CAND1: variants seen among roughly 807,000 people sequenced by gnomAD.
The protein encoded by CAND1 is cullin associated and neddylation dissociated 1.
Under a neutral mutation model 108.5 loss-of-function variants are expected in CAND1, and 7 were observed. The observed-to-expected ratio is 0.06, with a 90% CI of 0.04 to 0.12. The LOEUF (loss-of-function observed/expected upper bound fraction) is 0.12, where lower values mean the gene tolerates loss of function less well. Among genes scored for constraint, CAND1 ranks in the 10% least tolerant of loss-of-function variants. The pLI is 1.00. For synonymous variants in CAND1, 534 were observed against 512.0 expected (o/e 1.04, Z -0.58); for missense variants, 941 against 1,448.7 (o/e 0.65, Z 5.69).
rs140118518 is a variant in CAND1 at position 67,305,177 on chromosome 12, A to C, written c.1509A>C (p.Val503=). ...LKIDALSCLY[V]ILCNHSPQVF... The stretch of plus-strand genomic sequence containing the variant: ...TCGATGCTTTGTCATGTCTATACGT[A>C]ATCCTCTGTAACCATTCTCCTCAAG... The change falls in exon 10 of 15, where the codon GTA becomes GTC. Residue 503 remains valine (V), a synonymous_variant. Transcript: ENST00000545606. This position sits in a 1 kb window ranked among gnomAD's most constrained non-coding sequence, Gnocchi z 4.4. The C allele has an allele frequency of 4.7e-4, 751 of 1,614,088 alleles. 5 individuals carry two copies. The African/African-American group carries it at 9.2e-3, about 20-fold the overall frequency.
chr12:67,312,930 A>G lies in CAND1; in HGVS notation c.*100A>G, dbSNP rs759334365. 16 of 746,238 alleles carry G rather than the reference A, an allele frequency of 2.1e-5. No individual in the cohort carries two copies. The highest frequency in any genetic ancestry group is 3.1e-5 in the Non-Finnish European group (15 of 478,382). 46.2% of individuals were successfully genotyped at this position (746,238 alleles called of 1,614,324 possible). ...GAAAGAGAAGTGTCTAAAAGCTTCAAAATGTTCCACTTTTTTTTCCTTCAT... is the reference window on the plus strand; with the variant it reads ...GAAAGAGAAGTGTCTAAAAGCTTCAGAATGTTCCACTTTTTTTTCCTTCAT... On this transcript the variant is annotated 3_prime_UTR_variant, in exon 15 of 15. Transcript: ENST00000545606.
At chr12:67,286,375 G>A (rs796919693) in intron 2 of CAND1, among the ~76,000 whole-genome samples, 12 of 152,160 alleles carry the variant, frequency 7.9e-5, no homozygotes, top group African/African-American at 2.9e-4. Context: ...TTATGAAAAC[G>A]CCAAATTGTT....
At chr12:67,304,516 C>A in intron 8 of CAND1, 89 bp from the exon 9 acceptor site, 1 of 1,326,386 alleles carries the variant, frequency 7.5e-7, no homozygotes, top group Non-Finnish European at 1.0e-6. Flanking sequence ...ATAAACTCTT[C>A]CCTTTATCCT....
chr12:67,282,212 G>A (rs1183592191), intron 2 of CAND1, 159 bp downstream of exon 2: 2 of 645,932 alleles, frequency 3.1e-6, no homozygotes, highest in South Asian at 1.9e-5. Flanking sequence ...TTTGTATATG[G>A]TATATATAGT....
chr12:67,278,543 G>C (rs2044591027), intron 1 of CAND1, among the ~76,000 whole-genome samples: 2 of 152,006 alleles, frequency 1.3e-5, no homozygotes, highest in Non-Finnish European at 2.9e-5. Context: ...GTTTTGGGAT[G>C]AATCTCACTC....
intron 1 of CAND1, among the ~76,000 whole-genome samples, chr12:67,280,124 G>T (rs800167): frequency 2.0e-5 from 3 of 151,698 alleles, no homozygotes; most frequent in Admixed American, 2.0e-4. Flanking sequence ...TTAAAAGTAC[G>T]TGCTTAACTG....
At chr12:67,269,944 G>A (rs1214651288) in intron 1 of CAND1, 159 bp downstream of exon 1, 2 of 580,944 alleles carry the variant, frequency 3.4e-6, no homozygotes, top group Non-Finnish European at 6.0e-6. Flanking sequence ...TCCCTGCGGA[G>A]CCCCTTTCCT....
At chr12:67,276,751 G>A (rs61920672) in intron 1 of CAND1, among the ~76,000 whole-genome samples, 73,456 of 152,066 alleles carry the variant, frequency 0.48, 19,255 homozygotes, top group Non-Finnish European at 0.59. Context: ...GCATCAGATC[G>A]GTTAGTAATA....
chr12:67,294,619 A>C (rs935453103), intron 3 of CAND1, among the ~76,000 whole-genome samples: 2 of 152,230 alleles, frequency 1.3e-5, no homozygotes, highest in African/African-American at 2.4e-5. Flanking sequence ...TCTATCTACT[A>C]TTACTAGTTA....
At chr12:67,285,002 A>G (rs927508251) in intron 2 of CAND1, among the ~76,000 whole-genome samples, 25 of 152,222 alleles carry the variant, frequency 1.6e-4, no homozygotes, top group African/African-American at 6.0e-4. Flanking sequence ...TGAATTTACA[A>G]AAAATTCAGT....
At chr12:67,299,273 T>A (rs1369771010) in intron 7 of CAND1, among the ~76,000 whole-genome samples, 178 bp downstream of exon 7, 1 of 152,152 alleles carries the variant, frequency 6.6e-6, no homozygotes, top group East Asian at 1.9e-4. Flanking sequence ...TGAACTGTTA[T>A]GCAACACATT....
rs1306468220 is a variant in CAND1, at chr12:67,315,443, T to A, written c.*2613T>A. On this transcript the variant is annotated 3_prime_UTR_variant, in exon 15 of 15. Transcript: ENST00000545606. ...TCTGGCCTGGGCAACAGAGCGAGAG[T>A]CTGTCTCAAAAAAAAAAAAAAAAAA... 1.7e-4 allele frequency: 23 copies of A among 132,262 alleles called. 1 individual carries two copies. Among genetic ancestry groups the A allele is most frequent in the Admixed American group, 1.5e-3 (20 of 13,236 alleles). The allele number at this position is 132,262 out of a possible 1,614,324, so 8.2% of individuals were successfully genotyped here. A position where few individuals can be genotyped will look rare whatever the true frequency, so the allele number is the denominator to read the frequency against.
chr12:67,296,193 A>G (rs919472136), intron 4 of CAND1, among the ~76,000 whole-genome samples: 10 of 152,186 alleles, frequency 6.6e-5, no homozygotes, highest in African/African-American at 2.4e-4. Context: ...TGTCCTGTGC[A>G]TGATTTAATC....
intron 4 of CAND1, among the ~76,000 whole-genome samples, chr12:67,296,440 T>C (rs2044770632): frequency 6.6e-6 from 1 of 152,102 alleles, no homozygotes; most frequent in African/African-American, 2.4e-5. Context: ...ATTTCTTTTT[T>C]TTTTTCTTTC....
intron 2 of CAND1, among the ~76,000 whole-genome samples, chr12:67,284,065 A>T (rs2135996995): frequency 6.6e-6 from 1 of 152,294 alleles, no homozygotes; most frequent in South Asian, 2.1e-4. Flanking sequence ...AAAATTGAAC[A>T]AAAACTTTCC....
At chr12:67,297,316 T>C (rs1212956895) in intron 4 of CAND1, 91 bp from the exon 5 acceptor site, 1 of 1,179,478 alleles carries the variant, frequency 8.5e-7, no homozygotes, top group South Asian at 1.2e-5. Context: ...GTTCTGAATA[T>C]TTGCATTGAG....
intron 1 of CAND1, 193 bp downstream of exon 1, chr12:67,269,978 C>T (rs1311175803): frequency 9.1e-6 from 5 of 548,734 alleles, no homozygotes; most frequent in Admixed American, 3.9e-5. Flanking sequence ...ACCCCCTCCC[C>T]CCATTCTTTC....
intron 2 of CAND1, among the ~76,000 whole-genome samples, chr12:67,282,464 A>C (rs1476003503): frequency 5.3e-5 from 8 of 152,020 alleles, no homozygotes. Flanking sequence ...TTTTTAAGGC[A>C]GGGTCTCACC....
intron 14 of CAND1, among the ~76,000 whole-genome samples, chr12:67,312,402 A>T (rs2136024148): frequency 6.6e-6 from 1 of 152,206 alleles, no homozygotes; most frequent in Admixed American, 6.5e-5. Context: ...TGTTTTTATA[A>T]TGGGGCTTTG....
Sources: allele counts gnomAD v4.1 joint callset (sites outside exome capture counted in the v4.1 genomes callset), GRCh38; gene constraint gnomAD v4.1.1; non-coding constraint Gnocchi (gnomAD v3.1); transcripts MANE v1.5; gene names NCBI Gene and HGNC (gene_info 2026-07-23, HGNC 2026-07-21).